ACVR1C: variants seen among roughly 807,000 people sequenced by gnomAD.
ACVR1C encodes activin receptor type-1C.
A neutral mutation model predicts 57.9 loss-of-function variants in ACVR1C; 23 were observed. That is an observed-to-expected ratio of 0.40 (90% CI 0.29 to 0.56). ACVR1C has a LOEUF of 0.56. Ranked by LOEUF, ACVR1C falls within the 20% of genes least tolerant of loss-of-function variation. ACVR1C has a pLI of 0.50. For synonymous variants in ACVR1C, 214 were observed against 215.3 expected (o/e 0.99, Z 0.05); for missense variants, 480 against 607.9 (o/e 0.79, Z 2.21).
chr2:157,538,797 G>A (rs568850330), intron 7 of ACVR1C, 94 bp from the exon 8 acceptor site: 11 of 1,064,146 alleles, frequency 1.0e-5, no homozygotes, highest in Non-Finnish European at 1.3e-6. Context: ...AGGCACAAGT[G>A]ACACCCCAGG....
At chr2:157,588,590 C>T (rs1688982855) in intron 1 of ACVR1C, among the ~76,000 whole-genome samples, 1 of 147,464 alleles carries the variant, frequency 6.8e-6, no homozygotes, top group African/African-American at 2.5e-5. Context: ...ACCTCCCTCC[C>T]ACCCTCCCCC....
intron 2 of ACVR1C, among the ~76,000 whole-genome samples, chr2:157,582,274 A>G (rs1027678259): frequency 6.6e-6 from 1 of 152,214 alleles, no homozygotes; most frequent in Non-Finnish European, 1.5e-5. Flanking sequence ...GCAGTGAGCC[A>G]TGGAGCAAGA....
intron 1 of ACVR1C, among the ~76,000 whole-genome samples, chr2:157,609,653 T>C (rs1436534804): frequency 6.6e-6 from 1 of 152,070 alleles, no homozygotes; most frequent in Non-Finnish European, 1.5e-5. Context: ...GGTACATACA[T>C]ACTTAGAATT....
intron 1 of ACVR1C, among the ~76,000 whole-genome samples, chr2:157,615,962 T>C (rs1217582337): frequency 6.6e-6 from 1 of 152,244 alleles, no homozygotes; most frequent in Non-Finnish European, 1.5e-5. Flanking sequence ...AGTTAGAATA[T>C]GATGGATATG....
intron 2 of ACVR1C, among the ~76,000 whole-genome samples, chr2:157,566,426 T>C (rs968646790): frequency 2.6e-5 from 4 of 152,140 alleles, no homozygotes; most frequent in South Asian, 4.1e-4. Context: ...AGACGGGTGA[T>C]TTCTGCATTT....
chr2:157,601,688 T>C (rs1200241258), intron 1 of ACVR1C, among the ~76,000 whole-genome samples: 2 of 152,114 alleles, frequency 1.3e-5, no homozygotes, highest in African/African-American at 2.4e-5. Flanking sequence ...TTCAGCAAGG[T>C]GCAGTAAAAA....
chr2:157,548,288 C>G (rs1296047299), intron 4 of ACVR1C, among the ~76,000 whole-genome samples: 2 of 148,766 alleles, frequency 1.3e-5, no homozygotes, highest in African/African-American at 2.5e-5. Context: ...AGGATACAAA[C>G]AAATGGAAGA....
chr2:157,580,983 T>A (rs947657278), intron 2 of ACVR1C, among the ~76,000 whole-genome samples: 24 of 151,682 alleles, frequency 1.6e-4, no homozygotes, highest in African/African-American at 5.8e-4. Context: ...AATCTGAGAG[T>A]TCCTCACTAC....
chr2:157,544,275 G>A (rs1042395607), intron 5 of ACVR1C, among the ~76,000 whole-genome samples, 170 bp downstream of exon 5: 24 of 148,882 alleles, frequency 1.6e-4, no homozygotes, highest in African/African-American at 5.5e-4. Context: ...CAAATTCCTG[G>A]CCTCAAGTGA....
At chr2:157,595,501 T>C (rs1682072634) in intron 1 of ACVR1C, among the ~76,000 whole-genome samples, 1 of 152,212 alleles carries the variant, frequency 6.6e-6, no homozygotes, top group Non-Finnish European at 1.5e-5. Flanking sequence ...GCTAATCACA[T>C]ATAATCCTTA....
chr2:157,591,940 T>C (rs1186794507), intron 1 of ACVR1C, among the ~76,000 whole-genome samples: 2 of 152,042 alleles, frequency 1.3e-5, no homozygotes, highest in African/African-American at 4.8e-5. Context: ...TAAGGTGCCA[T>C]AAAGAAATGG....
rs566980372 is a variant in ACVR1C, at chr2:157,554,209, A to G, written c.544+1884T>C. Among the ~76,000 whole-genome samples the G allele has an allele frequency of 3.5e-3, 309 of 87,990 alleles. 2 individuals carry two copies. The highest frequency in any genetic ancestry group is 0.017 in the African/African-American group (290 of 16,908). 57.7% of individuals were successfully genotyped at this position (87,990 alleles called of 152,430 possible). A position where few individuals can be genotyped will look rare whatever the true frequency, so the allele number is the denominator to read the frequency against. ...AAAAAAAATAAAGAAGAGAGAAAGA[A>G]AGAAAGAAAGAAAGAAAGAAAGAAA... On this transcript the variant is annotated intron_variant, in intron 3 of 8. Transcript: ENST00000243349.
chr2:157,573,499 T>C (rs2105242631), intron 2 of ACVR1C, among the ~76,000 whole-genome samples: 1 of 152,262 alleles, frequency 6.6e-6, no homozygotes, highest in African/African-American at 2.4e-5. Context: ...GCACTGTATG[T>C]TTTGGTAGCA....
At chr2:157,581,752 G>A (rs1688796739) in intron 2 of ACVR1C, among the ~76,000 whole-genome samples, 1 of 152,188 alleles carries the variant, frequency 6.6e-6, no homozygotes, top group Non-Finnish European at 1.5e-5. Context: ...ATTTTGTCCG[G>A]CCTCTTCTGG....
intron 2 of ACVR1C, among the ~76,000 whole-genome samples, chr2:157,565,318 T>A (rs920757535): frequency 2.6e-5 from 4 of 152,138 alleles, no homozygotes; most frequent in African/African-American, 7.2e-5. Context: ...CCCGTGTGAA[T>A]CTGCACTTAC....
chr2:157,562,024 C>T (rs745999931), intron 2 of ACVR1C, among the ~76,000 whole-genome samples: 5 of 152,170 alleles, frequency 3.3e-5, no homozygotes, highest in Middle Eastern at 3.4e-3. Context: ...AGGCTGGGTG[C>T]GGTGGCTCAC....
chr2:157,545,361 A>G lies in ACVR1C; in HGVS notation c.776-749T>C, dbSNP rs368431093. 1.8e-4 allele frequency among the ~76,000 whole-genome samples: 27 copies of G among 152,308 alleles called. No homozygotes were observed. In the South Asian group the frequency reaches 5.6e-3, roughly 32 times the overall value. ...TATAATGAACATTTGCTAAGGACCT[A>G]TCTGGCCAGATGCTGTATATATGAC... On this transcript the variant is annotated intron_variant, in intron 4 of 8. Coordinates refer to ENST00000243349, the MANE Select transcript of ACVR1C (RefSeq NM_145259.3).
At chr2:157,596,523 A>G (rs750413993) in intron 1 of ACVR1C, among the ~76,000 whole-genome samples, 2 of 152,180 alleles carry the variant, frequency 1.3e-5, no homozygotes, top group Non-Finnish European at 2.9e-5. Context: ...TTAAAATCCA[A>G]TAACATGATA....
intron 2 of ACVR1C, among the ~76,000 whole-genome samples, chr2:157,581,663 ATC>A (rs1424701024): frequency 2.0e-5 from 3 of 152,180 alleles, no homozygotes; most frequent in African/African-American, 7.2e-5. Flanking sequence ...TGACCCCACC[ATC>A]TGGGGTGACT....
Sources: allele counts gnomAD v4.1 joint callset (sites outside exome capture counted in the v4.1 genomes callset), GRCh38; gene constraint gnomAD v4.1.1; transcripts MANE v1.5; gene names NCBI Gene and HGNC (gene_info 2026-07-23, HGNC 2026-07-21).